ZNF423: variants seen among roughly 807,000 people sequenced by gnomAD.
The protein encoded by ZNF423 is Ebf-associated zinc finger protein.
A neutral mutation model predicts 95.8 loss-of-function variants in ZNF423; 12 were observed. The observed-to-expected ratio is 0.13, with a 90% confidence interval of 0.08 to 0.20. ZNF423 has a LOEUF of 0.20. ZNF423 is among the 10% of genes least tolerant of loss of function. The pLI, the probability that ZNF423 is intolerant of heterozygous loss-of-function variation, is 1.00. For synonymous variants in ZNF423, 749 were observed against 711.9 expected (o/e 1.05, Z -0.83); for missense variants, 1,316 against 1,737.1 (o/e 0.76, Z 4.31).
intron 2 of ZNF423, among the ~76,000 whole-genome samples, chr16:49,743,156 G>A (rs890269073): frequency 3.9e-5 from 6 of 152,046 alleles, no homozygotes; most frequent in Non-Finnish European, 5.9e-5. Context: ...CGCCTTCCAC[G>A]CCAGGGTCCC....
intron 2 of ZNF423, among the ~76,000 whole-genome samples, chr16:49,767,342 CG>C (rs1555483800): frequency 6.6e-6 from 1 of 152,060 alleles, no homozygotes. Context: ...CAGGGAAGGC[CG>C]GGGAAAGCAG....
chr16:49,677,312 G>GAT (rs1567284159), intron 3 of ZNF423, among the ~76,000 whole-genome samples: 1 of 19,650 alleles, frequency 5.1e-5, no homozygotes, highest in African/African-American at 1.6e-4. Context: ...AGAAGAGAAA[G>GAT]GAGGGGAAGG....
At chr16:49,808,917 G>A (rs1213315576) in intron 1 of ZNF423, among the ~76,000 whole-genome samples, 4 of 152,178 alleles carry the variant, frequency 2.6e-5, no homozygotes, top group African/African-American at 7.2e-5. Flanking sequence ...GGGAAGCCAA[G>A]CCAGAAGACA....
intron 3 of ZNF423, among the ~76,000 whole-genome samples, chr16:49,669,611 T>C (rs576575535): frequency 5.9e-5 from 9 of 151,936 alleles, no homozygotes; most frequent in South Asian, 2.1e-4. Context: ...CAGGCAGGAG[T>C]TGGACCTAGA....
At chr16:49,651,650 G>T (rs886097652) in intron 3 of ZNF423, among the ~76,000 whole-genome samples, 5 of 152,182 alleles carry the variant, frequency 3.3e-5, no homozygotes, top group African/African-American at 1.2e-4. Context: ...GTAAAATGGG[G>T]ATGACTATTT....
intron 2 of ZNF423, among the ~76,000 whole-genome samples, chr16:49,743,078 G>A (rs1336944582): frequency 1.3e-5 from 2 of 152,056 alleles, no homozygotes; most frequent in African/African-American, 4.8e-5. Flanking sequence ...TCAACACTGT[G>A]CCAGGGGCAG....
chr16:49,547,387 G>T (rs1969477800), intron 5 of ZNF423, among the ~76,000 whole-genome samples: 1 of 152,096 alleles, frequency 6.6e-6, no homozygotes, highest in South Asian at 2.1e-4. Context: ...CGACACTAAG[G>T]ATACCACGTT....
intron 2 of ZNF423, among the ~76,000 whole-genome samples, chr16:49,739,897 C>T (rs1217100714): frequency 6.6e-6 from 1 of 151,846 alleles, no homozygotes; most frequent in Non-Finnish European, 1.5e-5. Context: ...CTTGCTGTGT[C>T]ACCCAGGCTG....
intron 7 of ZNF423, among the ~76,000 whole-genome samples, 197 bp from the exon 8 acceptor site, chr16:49,491,501 C>T (rs1966960961): frequency 6.7e-6 from 1 of 149,846 alleles, no homozygotes; most frequent in African/African-American, 2.5e-5. Context: ...GGATAGGTTC[C>T]TGTTACTGCC....
chr16:49,505,746 C>T (rs907436667), intron 7 of ZNF423, among the ~76,000 whole-genome samples: 1 of 152,238 alleles, frequency 6.6e-6, no homozygotes, highest in African/African-American at 2.4e-5. Flanking sequence ...GTGATCCCGT[C>T]ACCCAGAAAG....
At chr16:49,782,154 A>G (rs1301756595) in intron 2 of ZNF423, among the ~76,000 whole-genome samples, 1 of 152,230 alleles carries the variant, frequency 6.6e-6, no homozygotes, top group Non-Finnish European at 1.5e-5. Context: ...CTTCTACCTG[A>G]CCCAGGAGTG....
chr16:49,513,322 C>T (rs1323400529), intron 7 of ZNF423, among the ~76,000 whole-genome samples: 1 of 152,178 alleles, frequency 6.6e-6, no homozygotes, highest in Non-Finnish European at 1.5e-5. Flanking sequence ...AAGGATGGGG[C>T]CATCTCTAAA....
intron 1 of ZNF423, among the ~76,000 whole-genome samples, chr16:49,819,019 T>TGAG (rs1254119238): frequency 6.6e-6 from 1 of 152,094 alleles, no homozygotes; most frequent in Non-Finnish European, 1.5e-5. Context: ...TTTGGGAGGC[T>TGAG]GAGGCCGGTG....
intron 1 of ZNF423, among the ~76,000 whole-genome samples, chr16:49,819,096 C>T (rs1002379807): frequency 9.3e-5 from 14 of 151,128 alleles, no homozygotes; most frequent in African/African-American, 3.2e-4. Context: ...ACTAAAAATA[C>T]AAAAAAATTA....
intron 3 of ZNF423, among the ~76,000 whole-genome samples, chr16:49,665,621 C>T (rs2030500921): frequency 6.6e-6 from 1 of 152,086 alleles, no homozygotes; most frequent in South Asian, 2.1e-4. Flanking sequence ...CACGGAGCCT[C>T]CTCCGCTCCT....
At chr16:49,692,441 A>G (rs368750597) in intron 3 of ZNF423, among the ~76,000 whole-genome samples, 41 of 152,324 alleles carry the variant, frequency 2.7e-4, no homozygotes, top group Middle Eastern at 6.8e-3. Context: ...GCCAGGCCCA[A>G]GACCCCACCC....
chr16:49,718,775 C>A (rs2032781115), intron 3 of ZNF423, among the ~76,000 whole-genome samples: 1 of 152,114 alleles, frequency 6.6e-6, no homozygotes, highest in African/African-American at 2.4e-5. Context: ...TCCTCTGGGT[C>A]CCCTTTTGTA....
At chr16:49,651,220 C>G (rs796135631) in intron 3 of ZNF423, among the ~76,000 whole-genome samples, 39 of 148,468 alleles carry the variant, frequency 2.6e-4, no homozygotes, top group African/African-American at 9.8e-4. Context: ...GAGACAGGGT[C>G]TCTCTATGTT....
At chr16:49,838,696 G>C (rs1029068857) in intron 1 of ZNF423, among the ~76,000 whole-genome samples, 5 of 152,036 alleles carry the variant, frequency 3.3e-5, no homozygotes, top group African/African-American at 1.2e-4. Context: ...GCCAGACTCC[G>C]AGGGGCGGGC....
Sources: gnomAD v4.1 joint callset for allele counts (sites outside exome capture counted in the v4.1 genomes callset) on GRCh38, gnomAD v4.1.1 for gene constraint, MANE v1.5 for transcripts, NCBI Gene and HGNC (gene_info 2026-07-23, HGNC 2026-07-21) for gene names.